Variants in CCDC78 observed in about 807,000 individuals in gnomAD.
CCDC78 encodes the protein coiled-coil domain-containing protein 78.
CCDC78 carries 78 observed loss-of-function variants against 61.9 expected under a neutral mutation model. That is an observed-to-expected ratio of 1.26 (90% CI 1.05 to 1.52). CCDC78 has a LOEUF of 1.52. Ranked by LOEUF, CCDC78 falls within the 40% of genes most tolerant of loss-of-function variation. CCDC78 has a pLI of 0.00. For synonymous variants in CCDC78, 287 were observed against 251.9 expected, an observed-to-expected ratio of 1.14 and a Z score of -1.32; for missense variants, 737 against 615.5, an observed-to-expected ratio of 1.20 and a Z score of -2.09.
Position 723,936 on chromosome 16 carries a change from G to A in CCDC78, c.1054C>T (p.His352Tyr). The part of the protein sequence containing the change: ...VTDFSHREDQ[H>Y]GGPGALLSSP... Reference sequence around the variant, plus strand: ...GAGAGCAGTGCCCCAGGCCCGCCGTGCTACAGAGGTTTGTGGTGGGGACGT... The same window carrying A: ...GAGAGCAGTGCCCCAGGCCCGCCGTACTACAGAGGTTTGTGGTGGGGACGT... Residue 352 changes from histidine to tyrosine, a missense_variant and splice_region_variant, in exon 11 of 14, where the codon CAC becomes TAC. By Grantham distance (83) the His-to-Tyr change is moderately conservative (BLOSUM62 2). Coordinates refer to ENST00000345165, the MANE Select transcript of CCDC78 (RefSeq NM_001378030.1). 1 of 1,603,004 alleles carries A rather than the reference G, an allele frequency of 6.2e-7. No homozygotes were observed. Among genetic ancestry groups the A allele is most frequent in the Non-Finnish European group, 8.5e-7 (1 of 1,174,618 alleles).
Position 725,845 on chromosome 16 carries a change from G to A in CCDC78, c.216C>T (p.Thr72=), listed in dbSNP as rs2040861349. 1.9e-6 allele frequency: 3 copies of A among 1,611,638 alleles called. No individual in the cohort carries two copies. The highest frequency in any genetic ancestry group is 4.5e-5 in the East Asian group (2 of 44,872). Residue 72 remains threonine, a synonymous_variant, in exon 3 of 14, where the codon ACC becomes ACT. Transcript: ENST00000345165. ...CCTCATGCTGCTCATGTAGGTGGTG[G>A]GTTGTGATCTGAATGTCGACCAGCT... ...SKELVDIQIT[T]HHLHEQHEAE...
At chr16:723,271 A>G in intron 11 of CCDC78, 110 bp from the exon 12 acceptor site, 1 of 1,201,004 alleles carries the variant, frequency 8.3e-7, no homozygotes, top group Non-Finnish European at 1.2e-6. Flanking sequence ...GACACCTGGG[A>G]GTGAGTGAGG....
At position 725,870 on chromosome 16, in the gene CCDC78, T is replaced by A; in HGVS notation, c.191A>T (p.Glu64Val). The change falls in exon 3 of 14, where the codon GAG (glutamate) becomes GTG (valine). Residue 64 changes from glutamate (E) to valine (V), a missense_variant. Glu to Val is a moderately radical substitution (Grantham distance 121). Transcript: ENST00000345165. Reference sequence around the variant, plus strand: ...GGTTGTGATCTGAATGTCGACCAGCTCCTTGGAGATCTGTGGGTGGCCAGG... The same window carrying A: ...GGTTGTGATCTGAATGTCGACCAGCACCTTGGAGATCTGTGGGTGGCCAGG... The part of the protein sequence containing the change: ...NKEQQLQISK[E>V]LVDIQITTHH... 1.2e-6 allele frequency: 2 copies of A among 1,610,346 alleles called. No homozygotes were observed. Among genetic ancestry groups the A allele is most frequent in the Non-Finnish European group, 1.7e-6 (2 of 1,178,396 alleles).
chr16:726,129 G>GGA, intron 1 of CCDC78, 44 bp from the exon 2 acceptor site: 1 of 1,549,876 alleles, frequency 6.5e-7, no homozygotes, highest in Non-Finnish European at 8.7e-7. Flanking sequence ...GTCCCAGGCT[G>GGA]GGCTGTGGCC....
At chr16:725,033 TTC>T (rs1567321381) in intron 6 of CCDC78, 43 bp downstream of exon 6, 1 of 1,612,242 alleles carries the variant, frequency 6.2e-7, no homozygotes, top group African/African-American at 1.3e-5. Flanking sequence ...CGATCAGGGG[TTC>T]TCTCTGCTCC....
intron 11 of CCDC78, 121 bp downstream of exon 11, chr16:723,736 T>C: frequency 1.1e-6 from 1 of 877,024 alleles, no homozygotes; most frequent in Non-Finnish European, 1.9e-6. Context: ...ACTGAGTGCA[T>C]TGCTGTGACC....
intron 11 of CCDC78, 180 bp from the exon 12 acceptor site, chr16:723,341 G>T: frequency 1.3e-6 from 1 of 753,732 alleles, no homozygotes; most frequent in Non-Finnish European, 2.3e-6. Context: ...AGCCATCCGT[G>T]TATAGGGACA....
In CCDC78 at chr16:724,170, G is replaced by C; in HGVS notation, c.989C>G (p.Ala330Gly). 1 of 1,604,866 alleles carries C rather than the reference G, an allele frequency of 6.2e-7. No homozygotes were observed. Among genetic ancestry groups the C allele is most frequent in the Non-Finnish European group, 8.5e-7 (1 of 1,175,736 alleles). ...PGNPQAIFDI[A>G]SLDLEPLPVP... ...GGGCAATGGTTCCAGGTCCAAGCTG[G>C]CTATGTCAAAAATAGCTTGGGGGTT... Residue 330 changes from alanine to glycine, a missense_variant, in exon 10 of 14, where the codon GCC becomes GGC. By Grantham distance (60) the Ala-to-Gly change is moderately conservative. Coordinates refer to ENST00000345165, the MANE Select transcript of CCDC78 (RefSeq NM_001378030.1).
At chr16:726,594 C>T, upstream of CCDC78, 1 of 594,538 alleles carries the variant, frequency 1.7e-6, no homozygotes, top group Non-Finnish European at 2.9e-6. Context: ...GGGAATGCGG[C>T]CCAGCGCCCC....
In CCDC78 at chr16:725,563, G is replaced by A. The variant is rs2040817293; in HGVS notation, c.285C>T (p.Ser95=). Residue 95 remains serine (S), a synonymous_variant, in exon 4 of 14, where the codon AGC becomes AGT. Coordinates refer to ENST00000345165, the MANE Select transcript of CCDC78 (RefSeq NM_001378030.1). ...QLKSEILRLE[S]RVLELELRGD... ...CTCGCAGCTCCAGCTCCAGTACCCGGCTCTCCAGCCGAAGGATCTGTGGGA... is the reference window on the plus strand; with the variant it reads ...CTCGCAGCTCCAGCTCCAGTACCCGACTCTCCAGCCGAAGGATCTGTGGGA... The A allele has an allele frequency of 6.2e-7, 1 of 1,609,248 alleles. No homozygotes were observed. Among genetic ancestry groups the A allele is most frequent in the Non-Finnish European group, 8.5e-7 (1 of 1,178,602 alleles).
Position 724,409 on chromosome 16 carries a change from T to A in CCDC78, c.866A>T (p.Glu289Val), listed in dbSNP as rs371760552. 76 of 1,610,428 alleles carry A rather than the reference T, an allele frequency of 4.7e-5. 1 individual carries two copies. In the African/African-American group the frequency reaches 6.9e-4, roughly 15 times the overall value. The change falls in exon 9 of 14, where the codon GAG (glutamate) becomes GTG (valine). Residue 289 changes from glutamate (E) to valine (V), a missense_variant. Transcript: ENST00000345165. ...GCGGGCAGCCCGGGCCAGCTGCTGC[T>A]CACGGCTGCGGTGCGCTGCCCGGAT... is the stretch of plus-strand genomic sequence containing the variant. Reference protein sequence around the residue: ...EDIRAAHRSREQQLARAARSY... With the variant: ...EDIRAAHRSRVQQLARAARSY...
chr16:724,039 C>T, intron 10 of CCDC78, 67 bp downstream of exon 10: 1 of 1,554,418 alleles, frequency 6.4e-7, no homozygotes, highest in Non-Finnish European at 8.8e-7. Context: ...AGGCCTGGGG[C>T]CAGTGTGGGG....
In CCDC78 at chr16:725,940, C is replaced by T. The variant is rs117595867; in HGVS notation, c.180+26G>A. 154 of 1,570,918 alleles carry T rather than the reference C, an allele frequency of 9.8e-5. 2 individuals carry two copies. In the South Asian group the frequency reaches 1.5e-3, roughly 16 times the overall value. ...GCCCTGCTGGCACCCTCCCTCCTCACGAGCACGCTGGGGCCCCACACCCAC... is the reference window on the plus strand; with the variant it reads ...GCCCTGCTGGCACCCTCCCTCCTCATGAGCACGCTGGGGCCCCACACCCAC... On this transcript the variant is annotated intron_variant, in intron 2 of 13. Transcript: ENST00000345165.
In CCDC78 at chr16:724,141, G is replaced by A; in HGVS notation, c.1018C>T (p.Pro340Ser). The A allele has an allele frequency of 6.2e-7, 1 of 1,604,062 alleles. No individual in the cohort carries two copies. Among genetic ancestry groups the A allele is most frequent in the Non-Finnish European group, 8.5e-7 (1 of 1,175,550 alleles). Residue 340 changes from proline (P) to serine (S), a missense_variant, in exon 10 of 14, where the codon CCC becomes TCC. Physicochemically the swap from Pro to Ser is moderately conservative, Grantham distance 74 (BLOSUM62 -1). Coordinates refer to ENST00000345165, the MANE Select transcript of CCDC78 (RefSeq NM_001378030.1). ...CGATGGCTGAAGTCAGTGACCAGGG[G>A]CACGGGCAATGGTTCCAGGTCCAAG... is the stretch of plus-strand genomic sequence containing the variant. ...ASLDLEPLPV[P>S]LVTDFSHRED...
In CCDC78 at chr16:725,659, CAG is replaced by C. The variant is rs1440915579; in HGVS notation, c.268-81_268-80del. ...GGTGAACATTCACCCGGTGCACGCTCAGGGGCGCGCAGCACTCAGAGGCAGGC... is the reference window on the plus strand; with the variant it reads ...GGTGAACATTCACCCGGTGCACGCTCGGGCGCGCAGCACTCAGAGGCAGGC... On this transcript the variant is annotated intron_variant, in intron 3 of 13. Transcript: ENST00000345165. 2.0e-5 allele frequency: 31 copies of C among 1,576,976 alleles called. No homozygotes were observed. The Admixed American group carries it at 2.5e-4, about 12-fold the overall frequency.
chr16:722,645 A>AGCTCTGCTCT lies in CCDC78; in HGVS notation c.*23_*32dup, dbSNP rs553588726. The AGCTCTGCTCT allele has an allele frequency of 1.7e-3, 2,777 of 1,595,132 alleles. 53 individuals are homozygous for AGCTCTGCTCT. In the African/African-American group the frequency reaches 0.033, roughly 19 times the overall value. ...TGGGAGGGTTCTGTGCTGGCTGAGG[A>AGCTCTGCTCT]GCTCTGCTCTGCTCTGCTCCTTGGG... is the stretch of plus-strand genomic sequence containing the variant. On this transcript the variant is annotated 3_prime_UTR_variant, in exon 14 of 14. Transcript: ENST00000345165.
chr16:723,313 G>A (rs1448748224), intron 11 of CCDC78, 152 bp from the exon 12 acceptor site: 11 of 804,176 alleles, frequency 1.4e-5, no homozygotes, highest in Non-Finnish European at 1.9e-5. Flanking sequence ...CTCCTGTGGC[G>A]CCCCCCCCAG....
chr16:725,745 T>C (rs772827261), intron 3 of CCDC78, 49 bp downstream of exon 3: 16 of 1,578,248 alleles, frequency 1.0e-5, no homozygotes, highest in Non-Finnish European at 1.4e-5. Flanking sequence ...GTCCTGGGCC[T>C]GCACCCCCCG....
rs371542042 is a variant in CCDC78 at position 723,939 on chromosome 16, A to G, written c.1054-3T>C. On this transcript the variant is annotated splice_region_variant and splice_polypyrimidine_tract_variant and intron_variant, in intron 10 of 13. Coordinates refer to ENST00000345165, the MANE Select transcript of CCDC78 (RefSeq NM_001378030.1). Reference sequence around the variant, plus strand: ...AGCAGTGCCCCAGGCCCGCCGTGCTACAGAGGTTTGTGGTGGGGACGTTTC... The same window carrying G: ...AGCAGTGCCCCAGGCCCGCCGTGCTGCAGAGGTTTGTGGTGGGGACGTTTC... 2.6e-5 allele frequency: 42 copies of G among 1,603,200 alleles called. No individual in the cohort carries two copies. The African/African-American group carries it at 5.1e-4, about 19-fold the overall frequency.
Sources: gnomAD v4.1 joint callset for allele counts on GRCh38, gnomAD v4.1.1 for gene constraint, MANE v1.5 for transcripts, NCBI Gene and HGNC (gene_info 2026-07-23, HGNC 2026-07-21) for gene names.